The following SPON2 variants were observed in gnomAD, a reference collection of about 807,000 sequenced individuals.
SPON2 encodes the protein spondin 2.
In SPON2, 32 loss-of-function variants were observed where a neutral mutation model predicts 29.9. The ratio of observed to expected loss-of-function variants is 1.07; its 90% CI spans 0.81 to 1.44. The LOEUF (loss-of-function observed/expected upper bound fraction) is 1.44, where lower values mean the gene tolerates loss of function less well. Among genes scored for constraint, SPON2 ranks in the 40% most tolerant of loss-of-function variants. The pLI, the probability that SPON2 is intolerant of heterozygous loss-of-function variation, is 0.00. For missense variants in SPON2, 541 were observed against 455.5 expected, an observed-to-expected ratio of 1.19 and a Z score of -1.71; for synonymous variants, 248 against 209.1, an observed-to-expected ratio of 1.19 and a Z score of -1.61.
intron 1 of SPON2, among the ~76,000 whole-genome samples, chr4:1,185,640 G>A (rs1287674276): frequency 6.3e-5 from 9 of 142,554 alleles, no homozygotes; most frequent in African/African-American, 2.0e-4. Flanking sequence ...CCTGGGAGGC[G>A]GACATTGCAG....
intron 1 of SPON2, among the ~76,000 whole-genome samples, chr4:1,193,973 C>G (rs1727978189): frequency 6.6e-6 from 1 of 151,704 alleles, no homozygotes; most frequent in South Asian, 2.1e-4. Context: ...GCCCTGCTCC[C>G]TGTCCCTCTT....
chr4:1,191,614 T>C (rs1298668074), intron 1 of SPON2, among the ~76,000 whole-genome samples: 1 of 152,064 alleles, frequency 6.6e-6, no homozygotes, highest in Non-Finnish European at 1.5e-5. Flanking sequence ...GTGCACTCCT[T>C]GGGATGATGG....
intron 5 of SPON2, 83 bp from the exon 6 acceptor site, chr4:1,167,739 T>A (rs1727292917): frequency 6.9e-7 from 1 of 1,444,396 alleles, no homozygotes; most frequent in South Asian, 1.4e-5. Flanking sequence ...CCCACCAACG[T>A]GTGCATTCAT....
At chr4:1,193,011 C>T (rs950038367) in intron 1 of SPON2, among the ~76,000 whole-genome samples, 10 of 152,288 alleles carry the variant, frequency 6.6e-5, no homozygotes, top group East Asian at 1.9e-4. Flanking sequence ...ATCTGAGTAC[C>T]CACCAGGCCC....
At chr4:1,186,963 G>A (rs985373929) in intron 1 of SPON2, among the ~76,000 whole-genome samples, 2 of 152,150 alleles carry the variant, frequency 1.3e-5, no homozygotes, top group South Asian at 2.1e-4. Flanking sequence ...TGAAAAACAC[G>A]ATAAGAGTTC....
chr4:1,201,965 C>G (rs765701207), intron 1 of SPON2, among the ~76,000 whole-genome samples: 28 of 152,226 alleles, frequency 1.8e-4, no homozygotes, highest in Non-Finnish European at 3.1e-4. Context: ...AATTCACATG[C>G]TCACAAGTCA....
intron 1 of SPON2, among the ~76,000 whole-genome samples, chr4:1,190,868 G>T (rs1432302675): frequency 6.6e-6 from 1 of 151,988 alleles, no homozygotes; most frequent in East Asian, 1.9e-4. Context: ...CACATCAAAA[G>T]AATAAGCTTA....
chr4:1,180,971 A>G (rs1727691394), intron 1 of SPON2, among the ~76,000 whole-genome samples: 1 of 152,238 alleles, frequency 6.6e-6, no homozygotes, highest in African/African-American at 2.4e-5. Flanking sequence ...AAATTATTTG[A>G]TGAAATAATA....
rs755646798 is a variant in SPON2 at position 1,171,841 on chromosome 4, G to A, written c.220+11C>T. On this transcript the variant is annotated intron_variant, in intron 2 of 5. Coordinates refer to ENST00000290902, the MANE Select transcript of SPON2 (RefSeq NM_012445.4). ...TGGTGGAGCAGGAGGCGAGGAGGGG[G>A]CTGTACTTACCCAGCAGCGAAGACC... 11 of 1,595,188 alleles carry A rather than the reference G, an allele frequency of 6.9e-6. No individual in the cohort carries two copies. Among genetic ancestry groups the A allele is most frequent in the Middle Eastern group, 1.7e-4 (1 of 6,054 alleles).
chr4:1,181,166 G>A (rs890136199), intron 1 of SPON2, among the ~76,000 whole-genome samples: 6 of 152,140 alleles, frequency 3.9e-5, no homozygotes, highest in African/African-American at 1.2e-4. Context: ...TCATACAGGA[G>A]ATCCTTAGTT....
intron 1 of SPON2, among the ~76,000 whole-genome samples, chr4:1,194,119 G>T (rs1161742897): frequency 3.9e-5 from 6 of 152,076 alleles, no homozygotes. Flanking sequence ...GGGAGCTGCG[G>T]CCAGACTTTG....
upstream of SPON2, among the ~76,000 whole-genome samples, chr4:1,178,009 G>A (rs1727636495): frequency 6.6e-6 from 1 of 152,182 alleles, no homozygotes; most frequent in African/African-American, 2.4e-5. Flanking sequence ...TCCACTCACG[G>A]ACATGTACCA....
intron 1 of SPON2, among the ~76,000 whole-genome samples, chr4:1,206,755 C>T (rs1393226876): frequency 2.6e-5 from 4 of 152,138 alleles, no homozygotes; most frequent in Admixed American, 6.5e-5. Context: ...GCCGGGACCC[C>T]GCCAGCAGCA....
intron 1 of SPON2, among the ~76,000 whole-genome samples, chr4:1,181,619 G>A (rs1313150152): frequency 6.6e-6 from 1 of 152,188 alleles, no homozygotes; most frequent in African/African-American, 2.4e-5. Context: ...CAGCTTCCAG[G>A]AGTAGGTTTG....
Position 1,170,499 on chromosome 4 carries a change from C to T in SPON2, c.714G>A (p.Arg238=), listed in dbSNP as rs936430746. 1.9e-6 allele frequency: 3 copies of T among 1,614,058 alleles called. No homozygotes were observed. The highest frequency in any genetic ancestry group is 2.5e-6 in the Non-Finnish European group (3 of 1,179,974). Residue 238 remains arginine (R), a synonymous_variant, in exon 5 of 6, where the codon AGG becomes AGA. Transcript: ENST00000290902. ...TCTGTCGCAGCCGCACCAGTGTCAC[C>T]CTGGCGATGGGAGGCAGGGCCTTCA... The part of the protein sequence containing the change: ...PRLKALPPIA[R]VTLVRLRQSP...
upstream of SPON2, among the ~76,000 whole-genome samples, chr4:1,197,895 C>T (rs966990407): frequency 1.3e-5 from 2 of 151,946 alleles, no homozygotes; most frequent in South Asian, 2.1e-4. Flanking sequence ...CAAAAATACA[C>T]AAATTAGCCG....
chr4:1,168,352 G>A (rs375956700), intron 5 of SPON2, among the ~76,000 whole-genome samples: 1 of 152,212 alleles, frequency 6.6e-6, no homozygotes, highest in African/African-American at 2.4e-5. Context: ...GCCGTGCACG[G>A]GAGGACAGTC....
At chr4:1,204,473 C>T (rs577517951) in intron 1 of SPON2, among the ~76,000 whole-genome samples, 2 of 152,282 alleles carry the variant, frequency 1.3e-5, no homozygotes, top group Admixed American at 6.5e-5. Flanking sequence ...GTCCTTTTGG[C>T]GTGTCTGTAA....
At chr4:1,194,986 T>C (rs2335920) in intron 1 of SPON2, 11 of 102,956 alleles carry the variant, frequency 1.1e-4, no homozygotes, top group Admixed American at 2.0e-4. Context: ...GCCGGCGGCC[T>C]CACCTCACAG....
Sources: gnomAD v4.1 joint callset for allele counts (sites outside exome capture counted in the v4.1 genomes callset) on GRCh38, gnomAD v4.1.1 for gene constraint, MANE v1.5 for transcripts, NCBI Gene and HGNC (gene_info 2026-07-23, HGNC 2026-07-21) for gene names.